Variants in GPM6A observed in about 807,000 individuals in gnomAD.
GPM6A encodes the protein glycoprotein M6A.
GPM6A carries 7 observed loss-of-function variants against 32.1 expected under a neutral mutation model. The observed-to-expected ratio is 0.22, with a 90% CI of 0.12 to 0.41. GPM6A has a LOEUF of 0.41. GPM6A is among the 10% of genes least tolerant of loss of function. GPM6A has a pLI of 1.00. For synonymous variants in GPM6A, 130 were observed against 123.4 expected (o/e 1.05, Z -0.35); for missense variants, 235 against 347.2 (o/e 0.68, Z 2.57).
chr4:175,860,723 A>G lies in GPM6A; in HGVS notation c.-22-48474T>C, dbSNP rs147656964. On this transcript the variant is annotated intron_variant, in intron 1 of 7. Transcript: ENST00000280187. ...AGCTTAAACACCAACAGTAAAGATC[A>G]CTCATCACTTCATGGCCTCTTCCTC... 1.7e-3 allele frequency among the ~76,000 whole-genome samples: 255 copies of G among 152,264 alleles called. 1 individual carries two copies. The East Asian group carries it at 0.02, about 12-fold the overall frequency.
chr4:175,817,032 G>C (rs1170948197), upstream of GPM6A, among the ~76,000 whole-genome samples: 4 of 151,924 alleles, frequency 2.6e-5, no homozygotes, highest in African/African-American at 9.7e-5. Context: ...AATTTTTTTT[G>C]TATTTGTAGT....
chr4:175,751,156 A>G (rs1451594083), intron 1 of GPM6A, among the ~76,000 whole-genome samples: 3 of 152,198 alleles, frequency 2.0e-5, no homozygotes, highest in Non-Finnish European at 2.9e-5. Context: ...CAAATACAGC[A>G]AAATAAAATG....
intron 1 of GPM6A, among the ~76,000 whole-genome samples, chr4:175,839,952 T>A (rs1330270360): frequency 6.6e-6 from 1 of 152,218 alleles, no homozygotes; most frequent in African/African-American, 2.4e-5. Flanking sequence ...TTATAATTCC[T>A]GAAGCGAGAG....
At chr4:175,821,669 AT>A (rs531048520) in intron 1 of GPM6A, among the ~76,000 whole-genome samples, 12 of 150,822 alleles carry the variant, frequency 8.0e-5, no homozygotes, top group Admixed American at 3.3e-4. Context: ...AGCTTTGCAT[AT>A]TTTTTTTTGT....
At chr4:175,978,262 G>A (rs910329845) in intron 1 of GPM6A, among the ~76,000 whole-genome samples, 10 of 152,170 alleles carry the variant, frequency 6.6e-5, no homozygotes, top group African/African-American at 2.4e-4. Context: ...AGGCAGGAGA[G>A]AGAAGTAATA....
chr4:175,793,505 T>C (rs1734093145), intron 1 of GPM6A, among the ~76,000 whole-genome samples: 2 of 152,106 alleles, frequency 1.3e-5, no homozygotes, highest in Non-Finnish European at 2.9e-5. Context: ...GCCTCCTGAG[T>C]AGCTGGGAAT....
At chr4:175,842,342 A>G (rs1410589626) in intron 1 of GPM6A, among the ~76,000 whole-genome samples, 2 of 152,144 alleles carry the variant, frequency 1.3e-5, no homozygotes, top group Non-Finnish European at 2.9e-5. Flanking sequence ...CCTCATAACA[A>G]TCCTGTGTAG....
At chr4:175,973,656 A>G (rs1363714935) in intron 1 of GPM6A, among the ~76,000 whole-genome samples, 1 of 152,236 alleles carries the variant, frequency 6.6e-6, no homozygotes, top group Non-Finnish European at 1.5e-5. Context: ...TTCTGAAAGA[A>G]TATTAGAAAG....
intron 1 of GPM6A, among the ~76,000 whole-genome samples, chr4:175,713,242 G>A (rs551028629): frequency 4.3e-4 from 65 of 151,858 alleles, no homozygotes; most frequent in Non-Finnish European, 8.1e-4. Context: ...TCACTCTGTC[G>A]CCCAGGCCGG....
intron 1 of GPM6A, among the ~76,000 whole-genome samples, chr4:175,857,581 T>C (rs1212451722): frequency 6.6e-6 from 1 of 152,120 alleles, no homozygotes; most frequent in African/African-American, 2.4e-5. Flanking sequence ...AACCTAACCA[T>C]ATCAGTAATA....
intron 1 of GPM6A, among the ~76,000 whole-genome samples, chr4:175,727,945 C>A (rs553212336): frequency 6.7e-6 from 1 of 148,414 alleles, no homozygotes; most frequent in East Asian, 2.0e-4. Flanking sequence ...CCAGTGTTAC[C>A]GTGAGCCAAG....
intron 1 of GPM6A, among the ~76,000 whole-genome samples, chr4:175,847,559 G>A (rs1488840390): frequency 5.3e-5 from 8 of 152,040 alleles, no homozygotes; most frequent in Admixed American, 3.9e-4. Flanking sequence ...ATCAGTGCTT[G>A]TGTTCAAGTC....
At chr4:175,682,586 T>C (rs1321189338) in intron 2 of GPM6A, among the ~76,000 whole-genome samples, 1 of 152,076 alleles carries the variant, frequency 6.6e-6, no homozygotes, top group Non-Finnish European at 1.5e-5. Flanking sequence ...GAAAGAATGG[T>C]TTCAGGGGAC....
At chr4:175,637,304 T>TA (rs1740747542) in intron 6 of GPM6A, among the ~76,000 whole-genome samples, 1 of 38,946 alleles carries the variant, frequency 2.6e-5, no homozygotes, top group African/African-American at 9.4e-5. Context: ...ATATTATATA[T>TA]TATATATAAT....
At chr4:175,747,757 G>T (rs1420443242) in intron 1 of GPM6A, among the ~76,000 whole-genome samples, 1 of 152,016 alleles carries the variant, frequency 6.6e-6, no homozygotes, top group African/African-American at 2.4e-5. Context: ...GGTTAGGGTG[G>T]CTGTGTCAAT....
At chr4:175,824,310 C>T (rs539532482) in intron 1 of GPM6A, among the ~76,000 whole-genome samples, 8 of 152,252 alleles carry the variant, frequency 5.3e-5, no homozygotes, top group South Asian at 4.1e-4. Flanking sequence ...TCTGCTTGTG[C>T]GGCAGACACA....
Position 175,693,585 on chromosome 4 carries a change from G to T in GPM6A, c.230+7990C>A, listed in dbSNP as rs569583004. On this transcript the variant is annotated intron_variant, in intron 2 of 6. Coordinates refer to ENST00000393658, the MANE Select transcript of GPM6A (RefSeq NM_201591.3). The stretch of plus-strand genomic sequence containing the variant: ...TAGTCTATGTATTCTTTTTTGAAAA[G>T]ATTTTTGGAAAGTTCTTTATATGAT... Among the ~76,000 whole-genome samples, 6 of 152,026 alleles carry T rather than the reference G, an allele frequency of 3.9e-5. No homozygotes were observed. In the South Asian group the frequency reaches 1.2e-3, roughly 32 times the overall value.
At chr4:175,732,351 T>G (rs1429551941) in intron 1 of GPM6A, among the ~76,000 whole-genome samples, 1 of 152,186 alleles carries the variant, frequency 6.6e-6, no homozygotes, top group African/African-American at 2.4e-5. Context: ...TGTTCCCTAT[T>G]CCTTGGTCTC....
At chr4:175,673,127 C>T (rs904466333) in intron 3 of GPM6A, among the ~76,000 whole-genome samples, 13 of 151,988 alleles carry the variant, frequency 8.6e-5, no homozygotes, top group African/African-American at 2.9e-4. Flanking sequence ...TTTTCATTTT[C>T]ACCACTCATG....
Sources: gnomAD v4.1 joint callset for allele counts (sites outside exome capture counted in the v4.1 genomes callset) on GRCh38, gnomAD v4.1.1 for gene constraint, MANE v1.5 for transcripts, NCBI Gene and HGNC (gene_info 2026-07-23, HGNC 2026-07-21) for gene names.